INPP5E: variants seen among roughly 807,000 people sequenced by gnomAD.
INPP5E encodes the protein phosphatidylinositol polyphosphate 5-phosphatase type IV.
INPP5E carries 34 observed loss-of-function variants against 50.5 expected under a neutral mutation model. The ratio of observed to expected loss-of-function variants is 0.67; its 90% CI spans 0.51 to 0.90. The LOEUF is 0.90. INPP5E is among the 40% of genes least tolerant of loss of function. The probability of loss-of-function intolerance (pLI) is 0.00; values close to 1 mark genes in which losing one functional copy is unlikely to be tolerated. For missense variants in INPP5E, 942 were observed against 905.5 expected (o/e 1.04, Z -0.52); for synonymous variants, 447 against 406.0 (o/e 1.10, Z -1.21).
At position 136,438,158 on chromosome 9, in the gene INPP5E, C is replaced by T. The variant is rs1410835300; in HGVS notation, c.812+450G>A. On this transcript the variant is annotated intron_variant, in intron 1 of 9. Coordinates refer to ENST00000371712, the MANE Select transcript of INPP5E (RefSeq NM_019892.6). ...GGTGTGGTGGCGGGCGCCTGTAATC[C>T]CAGATTCTCAGGAGGCTGCGGCAGG... 4 of 190,498 alleles carry T rather than the reference C, an allele frequency of 2.1e-5. No individual in the cohort carries two copies. In the East Asian group the frequency reaches 5.2e-4, roughly 25 times the overall value. 11.8% of individuals were successfully genotyped at this position (190,498 alleles called of 1,614,324 possible).
rs976856736 is a variant in INPP5E, at chr9:136,439,379, G to A, written c.41C>T (p.Ala14Val). 6 of 1,459,980 alleles carry A rather than the reference G, an allele frequency of 4.1e-6. No homozygotes were observed. The highest frequency in any genetic ancestry group is 5.4e-6 in the Non-Finnish European group (6 of 1,112,440). 90.4% of individuals were successfully genotyped at this position (1,459,980 alleles called of 1,614,324 possible). A position where few individuals can be genotyped will look rare whatever the true frequency, so the allele number is the denominator to read the frequency against. The change falls in exon 1 of 10, where the codon GCC (alanine) becomes GTC (valine). Residue 14 changes from alanine to valine, a missense_variant. Transcript: ENST00000371712. ...KAENLRPSEP[A>V]PQPPEGRTLQ... is the part of the protein sequence containing the mutation. Reference sequence around the variant, plus strand: ...CGTCCTCCCTTCCGGCGGCTGCGGGGCCGGCTCGGAGGGCCGCAGATTCTC... The same window carrying A: ...CGTCCTCCCTTCCGGCGGCTGCGGGACCGGCTCGGAGGGCCGCAGATTCTC...
Position 136,434,915 on chromosome 9 carries a change from G to C in INPP5E, c.813-52C>G, listed in dbSNP as rs1428217734. 1.9e-6 allele frequency: 3 copies of C among 1,573,348 alleles called. No homozygotes were observed. In the African/African-American group the frequency reaches 4.1e-5, roughly 21 times the overall value. ...GGCCAGGCACAGGACACATCCCTGG[G>C]GGTCTGGGCCAGGTCCCCAGGGACA... On this transcript the variant is annotated intron_variant, in intron 1 of 9. Coordinates refer to ENST00000371712, the MANE Select transcript of INPP5E (RefSeq NM_019892.6).
intron 5 of INPP5E, 76 bp downstream of exon 5, chr9:136,432,880 G>A (rs1258373873): frequency 6.4e-7 from 1 of 1,558,580 alleles, no homozygotes; most frequent in East Asian, 2.3e-5. Flanking sequence ...CAGGACCCCT[G>A]CCTTGGACAG....
At chr9:136,430,954 A>G in intron 8 of INPP5E, 48 bp downstream of exon 8, 1 of 1,334,154 alleles carries the variant, frequency 7.5e-7, no homozygotes. Context: ...GCTGTGGGAG[A>G]TGCCTGCCCT....
rs186021799 is a variant in INPP5E, at chr9:136,433,537, G to A, written c.1035-258C>T. ...CCAGTGAGCAGAGCTCCTCCCGCCT[G>A]AGGGACTCATGGGCCAGGGAGGTGG... On this transcript the variant is annotated intron_variant, in intron 3 of 9. Coordinates refer to ENST00000371712, the MANE Select transcript of INPP5E (RefSeq NM_019892.6). Among the ~76,000 whole-genome samples the A allele has an allele frequency of 5.1e-3, 779 of 152,164 alleles. 1 individual carries two copies. Among genetic ancestry groups the A allele is most frequent in the Middle Eastern group, 0.01 (3 of 294 alleles).
At chr9:136,434,532 G>A (rs759989169) in intron 2 of INPP5E, among the ~76,000 whole-genome samples, 18 of 151,484 alleles carry the variant, frequency 1.2e-4, no homozygotes, top group East Asian at 7.8e-4. Context: ...CTGCAGCCAC[G>A]TGGCCAGGGA....
intron 6 of INPP5E, among the ~76,000 whole-genome samples, chr9:136,432,238 C>T (rs553975947): frequency 9.9e-5 from 15 of 152,276 alleles, no homozygotes; most frequent in Admixed American, 2.0e-4. Context: ...GGGGAGGCGG[C>T]GGGGCGGGCA....
chr9:136,434,758 C>T lies in INPP5E; in HGVS notation c.918G>A (p.Trp306Ter). The change falls in exon 2 of 10, where the codon TGG becomes TGA. Residue 306 changes from tryptophan (W) to a stop codon, truncating the protein, a stop_gained. Coordinates refer to ENST00000371712, the MANE Select transcript of INPP5E (RefSeq NM_019892.6). LOFTEE classifies it high-confidence loss of function. ...DRNVALFVAT[W>*]NMQGQKELPP... ...CACTCACCTTCTGGCCCTGCATGTTCCAGGTGGCCACGAAGAGTGCCACGT... is the reference window on the plus strand; with the variant it reads ...CACTCACCTTCTGGCCCTGCATGTTTCAGGTGGCCACGAAGAGTGCCACGT... 2 of 1,548,890 alleles carry T rather than the reference C, an allele frequency of 1.3e-6. No homozygotes were observed. The highest frequency in any genetic ancestry group is 2.2e-5 in the South Asian group (2 of 90,164).
intron 1 of INPP5E, chr9:136,438,369 C>T: frequency 1.7e-6 from 1 of 596,424 alleles, no homozygotes; most frequent in Non-Finnish European, 3.0e-6. Flanking sequence ...AGGATGCCAT[C>T]CTGTCTACCT....
chr9:136,429,585 C>A lies in INPP5E; in HGVS notation c.*90G>T. ...CGGTCGCCACAGTCCCTCGGATCCC[C>A]GAAAGGCGGCAAACTCTTTGTCCTT... On this transcript the variant is annotated 3_prime_UTR_variant, in exon 10 of 10. Coordinates refer to ENST00000371712, the MANE Select transcript of INPP5E (RefSeq NM_019892.6). 1.3e-6 allele frequency: 2 copies of A among 1,559,510 alleles called. No individual in the cohort carries two copies. The highest frequency in any genetic ancestry group is 1.1e-5 in the South Asian group (1 of 90,136).
chr9:136,428,624 A>T lies in INPP5E; in HGVS notation c.*1051T>A, dbSNP rs921061528. The T allele has an allele frequency of 1.3e-5, 2 of 152,418 alleles. No homozygotes were observed. The highest frequency in any genetic ancestry group is 2.9e-5 in the Non-Finnish European group (2 of 68,050). 9.4% of individuals were successfully genotyped at this position (152,418 alleles called of 1,614,324 possible). On this transcript the variant is annotated 3_prime_UTR_variant, in exon 10 of 10. Transcript: ENST00000371712. ...AGTCTTTGGCCAGAAAGAGATTTTA[A>T]GACTCAATATATGCATTTATTTAAA...
Position 136,429,125 on chromosome 9 carries a change from G to GTGGC in INPP5E, c.*546_*549dup. 1 of 191,082 alleles carries GTGGC rather than the reference G, an allele frequency of 5.2e-6. No homozygotes were observed. The highest frequency in any genetic ancestry group is 1.2e-4 in the East Asian group (1 of 8,078). 11.8% of individuals were successfully genotyped at this position (191,082 alleles called of 1,614,324 possible). On this transcript the variant is annotated 3_prime_UTR_variant, in exon 10 of 10. Coordinates refer to ENST00000371712, the MANE Select transcript of INPP5E (RefSeq NM_019892.6). ...AACCGTGCCACGTCCTGGAGGCTGT[G>GTGGC]TGGCTTCCTCAGCTGGGCTCTGGGG...
intron 7 of INPP5E, 87 bp from the exon 8 acceptor site, chr9:136,431,204 C>T: frequency 1.3e-6 from 1 of 766,102 alleles, no homozygotes; most frequent in East Asian, 2.8e-5. Context: ...CATCTCCCAC[C>T]ACGCCCACCC....
chr9:136,430,918 C>A lies in INPP5E; in HGVS notation c.1665+84G>T, dbSNP rs964987505. 1.5e-5 allele frequency: 15 copies of A among 977,308 alleles called. No individual in the cohort carries two copies. The African/African-American group carries it at 1.9e-4, about 12-fold the overall frequency. 60.5% of individuals were successfully genotyped at this position (977,308 alleles called of 1,614,324 possible). A position where few individuals can be genotyped will look rare whatever the true frequency, so the allele number is the denominator to read the frequency against. On this transcript the variant is annotated intron_variant, in intron 8 of 9. Coordinates refer to ENST00000371712, the MANE Select transcript of INPP5E (RefSeq NM_019892.6). Reference sequence around the variant, plus strand: ...CAAGTCCAGGCCGTCCAGGCTCAGACCCCTGACGCCAGGCATCGGTTCCCG... The same window carrying A: ...CAAGTCCAGGCCGTCCAGGCTCAGAACCCTGACGCCAGGCATCGGTTCCCG...
rs112904493 is a variant in INPP5E, at chr9:136,433,407, C to T, written c.1035-128G>A. ...CACGACCTGGCCTTGGTGTCTTGCG[C>T]GGAGAAGCAATTGCCAGAAGGCCTG... On this transcript the variant is annotated intron_variant, in intron 3 of 9. Transcript: ENST00000371712. The T allele has an allele frequency of 0.017, 22,971 of 1,350,200 alleles. 879 individuals are homozygous for T. The highest frequency in any genetic ancestry group is 0.15 in the African/African-American group (10,040 of 68,758). 83.6% of individuals were successfully genotyped at this position (1,350,200 alleles called of 1,614,324 possible). A position where few individuals can be genotyped will look rare whatever the true frequency, so the allele number is the denominator to read the frequency against.
chr9:136,438,618 C>G lies in INPP5E; in HGVS notation c.802G>C (p.Val268Leu), dbSNP rs1471019025. Residue 268 changes from valine (V) to leucine (L), a missense_variant, in exon 1 of 10, where the codon GTC (valine) becomes CTC (leucine). Physicochemically the swap from Val to Leu is conservative, Grantham distance 32. Transcript: ENST00000371712. ...CCAGGCCCTCCCTACCTGCTGCGGA[C>G]GTCCTTGCTGCGGATGGGCGCCAGG... ...SLLAPIRSKD[V>L]RSRSYLEGSL... The G allele has an allele frequency of 6.4e-7, 1 of 1,560,530 alleles. No individual in the cohort carries two copies. Among genetic ancestry groups the G allele is most frequent in the East Asian group, 2.4e-5 (1 of 41,696 alleles).
chr9:136,439,053 C>A lies in INPP5E; in HGVS notation c.367G>T (p.Ala123Ser), dbSNP rs774630007. The part of the protein sequence containing the change: ...RGSVQSEGPG[A>S]PAHSCSPPCL... ...GGCGGGGAGCAGCTGTGGGCGGGGG[C>A]CCCGGGGCCCTCGCTCTGCACTGAG... Residue 123 changes from alanine (A) to serine (S), a missense_variant, in exon 1 of 10, where the codon GCC (alanine) becomes TCC (serine). By Grantham distance (99) the Ala-to-Ser change is moderately conservative (BLOSUM62 1). Coordinates refer to ENST00000371712, the MANE Select transcript of INPP5E (RefSeq NM_019892.6). The A allele has an allele frequency of 2.5e-6, 4 of 1,569,484 alleles. No homozygotes were observed. The South Asian group carries it at 3.5e-5, about 14-fold the overall frequency.
chr9:136,436,682 C>CA (rs1343211596), intron 1 of INPP5E: 1 of 152,318 alleles, frequency 6.6e-6, no homozygotes, highest in Non-Finnish European at 1.5e-5. Context: ...CCCGCAAACT[C>CA]AGAATGGGTT....
At chr9:136,433,928 G>A (rs552305707) in intron 3 of INPP5E, 109 bp downstream of exon 3, 17 of 861,012 alleles carry the variant, frequency 2.0e-5, no homozygotes, top group South Asian at 1.3e-4. Flanking sequence ...GGCAGCCCCC[G>A]GGCAGGCACT....
Sources: allele counts gnomAD v4.1 joint callset (sites outside exome capture counted in the v4.1 genomes callset), GRCh38; gene constraint gnomAD v4.1.1; transcripts MANE v1.5; gene names NCBI Gene and HGNC (gene_info 2026-07-23, HGNC 2026-07-21).